Variants in ZNF385B observed in about 807,000 individuals in gnomAD.
ZNF385B encodes zinc finger protein 533.
A neutral mutation model predicts 39.2 loss-of-function variants in ZNF385B; 23 were observed. The observed-to-expected ratio is 0.59, with a 90% CI of 0.42 to 0.83. The LOEUF is 0.83. Ranked by LOEUF, ZNF385B falls within the 40% of genes least tolerant of loss-of-function variation. The probability of loss-of-function intolerance (pLI) is 0.00; values close to 1 mark genes in which losing one functional copy is unlikely to be tolerated. For synonymous variants in ZNF385B, 205 were observed against 222.6 expected (o/e 0.92, Z 0.70); for missense variants, 552 against 598.9 (o/e 0.92, Z 0.82).
intron 6 of ZNF385B, among the ~76,000 whole-genome samples, chr2:179,448,418 T>C (rs990858896): frequency 4.6e-5 from 7 of 152,150 alleles, no homozygotes; most frequent in African/African-American, 1.7e-4. Flanking sequence ...AGTTATTACA[T>C]ACTAAAATCT....
intron 1 of ZNF385B, among the ~76,000 whole-genome samples, chr2:179,850,456 C>A (rs1709022545): frequency 6.6e-6 from 1 of 152,142 alleles, no homozygotes; most frequent in African/African-American, 2.4e-5. Context: ...AATTTGCCTC[C>A]CTATGATCCC....
chr2:179,798,012 T>C lies in ZNF385B; in HGVS notation c.-154-27340A>G, dbSNP rs542696987. Among the ~76,000 whole-genome samples, 39 of 152,266 alleles carry C rather than the reference T, an allele frequency of 2.6e-4. No homozygotes were observed. The South Asian group carries it at 7.2e-3, about 28-fold the overall frequency. Reference sequence around the variant, plus strand: ...AAAGAGGAAAATGCTTCATTTTTTTTCCCTGTGTTTATTTCAAAGTACTGA... The same window carrying C: ...AAAGAGGAAAATGCTTCATTTTTTTCCCCTGTGTTTATTTCAAAGTACTGA... On this transcript the variant is annotated intron_variant, in intron 1 of 9. Transcript: ENST00000410066.
In ZNF385B at chr2:179,784,012, C is replaced by T. The variant is rs149177684; in HGVS notation, c.-154-13340G>A. ...AATATAAATCATTCTGTCTTAAAGA[C>T]AAATGCACATGAATATTCACTGCAA... is the stretch of plus-strand genomic sequence containing the variant. On this transcript the variant is annotated intron_variant, in intron 1 of 9. Coordinates refer to ENST00000410066, the MANE Select transcript of ZNF385B (RefSeq NM_152520.6). Among the ~76,000 whole-genome samples, 11 of 152,186 alleles carry T rather than the reference C, an allele frequency of 7.2e-5. No individual in the cohort carries two copies. The East Asian group carries it at 2.1e-3, about 29-fold the overall frequency.
At chr2:179,604,963 T>C (rs1301142329) in intron 3 of ZNF385B, among the ~76,000 whole-genome samples, 1 of 152,122 alleles carries the variant, frequency 6.6e-6, no homozygotes, top group Non-Finnish European at 1.5e-5. Context: ...GTTTCCCACA[T>C]TGCAAATTTT....
chr2:179,629,869 T>C (rs901087229), intron 3 of ZNF385B, among the ~76,000 whole-genome samples: 8 of 152,230 alleles, frequency 5.3e-5, no homozygotes, highest in Admixed American at 2.0e-4. Context: ...TTCTCTACCA[T>C]GCCTGGCTCA....
At chr2:179,695,982 C>T (rs1270604851) in intron 3 of ZNF385B, among the ~76,000 whole-genome samples, 1 of 152,156 alleles carries the variant, frequency 6.6e-6, no homozygotes, top group East Asian at 1.9e-4. Context: ...GTCTTAAAAG[C>T]CTTACGCTAA....
chr2:179,608,854 G>C (rs1689050333), intron 3 of ZNF385B, among the ~76,000 whole-genome samples: 1 of 33,644 alleles, frequency 3.0e-5, no homozygotes, highest in Non-Finnish European at 6.9e-5. Flanking sequence ...GTGTGTGTGT[G>C]TGTGTGTGTG....
intron 3 of ZNF385B, among the ~76,000 whole-genome samples, chr2:179,735,378 A>G (rs2106437991): frequency 7.0e-6 from 1 of 141,888 alleles, no homozygotes; most frequent in Non-Finnish European, 1.5e-5. Flanking sequence ...AAAGTCAGGA[A>G]ACAACAGGTG....
At chr2:179,676,182 G>T (rs10208354) in intron 3 of ZNF385B, among the ~76,000 whole-genome samples, 1 of 150,884 alleles carries the variant, frequency 6.6e-6, no homozygotes, top group Non-Finnish European at 1.5e-5. Flanking sequence ...TCTACCTCCC[G>T]GGTTCATGCC....
In ZNF385B at chr2:179,442,478, T is replaced by A. The variant is rs1393944550; in HGVS notation, c.*772A>T. 1 of 152,672 alleles carries A rather than the reference T, an allele frequency of 6.5e-6. No homozygotes were observed. Among genetic ancestry groups the A allele is most frequent in the Admixed American group, 6.5e-5 (1 of 15,288 alleles). 9.5% of individuals were successfully genotyped at this position (152,672 alleles called of 1,614,324 possible). A position where few individuals can be genotyped will look rare whatever the true frequency, so the allele number is the denominator to read the frequency against. On this transcript the variant is annotated 3_prime_UTR_variant, in exon 10 of 10. Coordinates refer to ENST00000410066, the MANE Select transcript of ZNF385B (RefSeq NM_152520.6). ...TTAAACAAAAATAGCAAACAGGTAGTAATTATAGCTATGTTATATGGCTTT... is the reference window on the plus strand; with the variant it reads ...TTAAACAAAAATAGCAAACAGGTAGAAATTATAGCTATGTTATATGGCTTT...
At chr2:179,821,109 T>C (rs1311102982) in intron 1 of ZNF385B, among the ~76,000 whole-genome samples, 1 of 152,160 alleles carries the variant, frequency 6.6e-6, no homozygotes, top group African/African-American at 2.4e-5. Context: ...AAATTGCCAA[T>C]CTTTACAGGT....
chr2:179,770,826 C>T (rs1042174148), intron 1 of ZNF385B, among the ~76,000 whole-genome samples, 154 bp from the exon 2 acceptor site: 5 of 152,024 alleles, frequency 3.3e-5, no homozygotes, highest in South Asian at 2.1e-4. Flanking sequence ...AGGGAAGATT[C>T]GAAAGGGATT....
rs113053837 is a variant in ZNF385B at position 179,525,657 on chromosome 2, C to T, written c.442-7019G>A. ...CACATGAGGCAGACATGATTATTAT[C>T]AGTATCGTTATTATTATTACAGTAG... On this transcript the variant is annotated intron_variant, in intron 4 of 9. Transcript: ENST00000410066. Among the ~76,000 whole-genome samples the T allele has an allele frequency of 9.6e-3, 1,456 of 152,256 alleles. 28 individuals carry two copies. Among genetic ancestry groups the T allele is most frequent in the African/African-American group, 0.033 (1,385 of 41,520 alleles).
intron 1 of ZNF385B, among the ~76,000 whole-genome samples, chr2:179,778,048 T>C (rs181765532): frequency 1.3e-5 from 2 of 152,180 alleles, no homozygotes; most frequent in Non-Finnish European, 2.9e-5. Context: ...AGGTTTTTTT[T>C]AATCATAGAA....
At chr2:179,566,625 A>G (rs1190364880) in intron 3 of ZNF385B, among the ~76,000 whole-genome samples, 1 of 152,228 alleles carries the variant, frequency 6.6e-6, no homozygotes, top group Non-Finnish European at 1.5e-5. Context: ...ATAAATTGTA[A>G]ATGTAGAAAA....
At chr2:179,532,137 C>A (rs893703399) in intron 4 of ZNF385B, among the ~76,000 whole-genome samples, 2 of 152,152 alleles carry the variant, frequency 1.3e-5, no homozygotes, top group African/African-American at 2.4e-5. Flanking sequence ...ATTATTCTCA[C>A]GTGACTGCAA....
chr2:179,829,735 G>C (rs751628456), intron 1 of ZNF385B, among the ~76,000 whole-genome samples: 1 of 152,078 alleles, frequency 6.6e-6, no homozygotes, highest in Admixed American at 6.5e-5. Context: ...CGATGGTCTC[G>C]ATCTCCTGAC....
intron 3 of ZNF385B, among the ~76,000 whole-genome samples, chr2:179,588,291 T>C (rs1170162350): frequency 6.6e-6 from 1 of 152,064 alleles, no homozygotes; most frequent in African/African-American, 2.4e-5. Context: ...CGTTTCACCG[T>C]GTTAGCGAGC....
At chr2:179,791,308 AGTCTTT>A (rs1233569128) in intron 1 of ZNF385B, among the ~76,000 whole-genome samples, 1 of 152,130 alleles carries the variant, frequency 6.6e-6, no homozygotes, top group East Asian at 1.9e-4. Flanking sequence ...TACCTAATAC[AGTCTTT>A]TAGTGACACT....
Sources: allele counts gnomAD v4.1 joint callset (sites outside exome capture counted in the v4.1 genomes callset), GRCh38; gene constraint gnomAD v4.1.1; transcripts MANE v1.5; gene names NCBI Gene and HGNC (gene_info 2026-07-23, HGNC 2026-07-21).